The following REEP5 variants were observed in gnomAD, a reference collection of about 807,000 sequenced individuals.
The protein encoded by REEP5 is receptor accessory protein 5, also known as receptor expression-enhancing protein 5.
A neutral mutation model predicts 22.4 loss-of-function variants in REEP5; 24 were observed. That is an observed-to-expected ratio of 1.07 (90% CI 0.78 to 1.51). The LOEUF is 1.51. REEP5 is among the 40% of genes most tolerant of loss of function. REEP5 has a pLI of 0.00. For synonymous variants in REEP5, 103 were observed against 88.6 expected, an observed-to-expected ratio of 1.16 and a Z score of -0.92; for missense variants, 252 against 233.0, an observed-to-expected ratio of 1.08 and a Z score of -0.53.
chr5:112,905,397 C>T (rs1405271252), intron 2 of REEP5, among the ~76,000 whole-genome samples: 7 of 151,838 alleles, frequency 4.6e-5, no homozygotes, highest in East Asian at 1.9e-4. Context: ...AAAAATTAGC[C>T]GGGCGTGGTG....
In REEP5 at chr5:112,920,419, C is replaced by T. The variant is rs185793444; in HGVS notation, c.212+744G>A. On this transcript the variant is annotated intron_variant, in intron 2 of 4. Coordinates refer to ENST00000379638, the MANE Select transcript of REEP5 (RefSeq NM_005669.5). ...TCTTAGGAAGAACTGTAGAGCAAAA[C>T]AAAATTCATTTCTGGAGAGGAATAA... is the stretch of plus-strand genomic sequence containing the variant. Among the ~76,000 whole-genome samples the T allele has an allele frequency of 4.3e-3, 647 of 151,978 alleles. 4 individuals are homozygous for T. Among genetic ancestry groups the T allele is most frequent in the African/African-American group, 0.015 (617 of 41,452 alleles).
chr5:112,891,830 A>C, intron 3 of REEP5: 2 of 1,569,602 alleles, frequency 1.3e-6, no homozygotes, highest in Non-Finnish European at 1.8e-6. Context: ...CAACAACTAG[A>C]AGAAGAGAAG....
intron 4 of REEP5, 123 bp downstream of exon 4, chr5:112,886,892 A>G: frequency 1.5e-6 from 1 of 653,014 alleles, no homozygotes; most frequent in Non-Finnish European, 2.6e-6. Context: ...AAGAAATCCC[A>G]GAGTAATGTT....
Position 112,877,535 on chromosome 5 carries a change from A to T in REEP5, c.*1251T>A, listed in dbSNP as rs1415485273. 6.6e-6 allele frequency: 1 copy of T among 152,198 alleles called. No individual in the cohort carries two copies. Among genetic ancestry groups the T allele is most frequent in the Non-Finnish European group, 1.5e-5 (1 of 68,030 alleles). 9.4% of individuals were successfully genotyped at this position (152,198 alleles called of 1,614,324 possible). ...AGTCATGTGCAGCTTATCAACACAAAGAATACGGATGAGGGCATTTAAATG... is the reference window on the plus strand; with the variant it reads ...AGTCATGTGCAGCTTATCAACACAATGAATACGGATGAGGGCATTTAAATG... On this transcript the variant is annotated 3_prime_UTR_variant, in exon 5 of 5. Transcript: ENST00000379638.
intron 3 of REEP5, among the ~76,000 whole-genome samples, chr5:112,900,875 T>C (rs1283510369): frequency 2.0e-5 from 3 of 152,080 alleles, no homozygotes; most frequent in Non-Finnish European, 4.4e-5. Flanking sequence ...TCTGGCTCTG[T>C]TGCCTAGGCT....
intron 3 of REEP5, chr5:112,892,584 G>T (rs183322512): frequency 1.5e-5 from 25 of 1,614,150 alleles, no homozygotes; most frequent in Non-Finnish European, 2.1e-5. Context: ...GGAAAATGGC[G>T]ATTTGTGGTT....
chr5:112,920,647 G>C (rs1045756558), intron 2 of REEP5, among the ~76,000 whole-genome samples: 2 of 152,056 alleles, frequency 1.3e-5, no homozygotes, highest in African/African-American at 4.8e-5. Context: ...TTTTACACTA[G>C]GGTAAGCATT....
chr5:112,882,852 T>C (rs750033285), intron 4 of REEP5, among the ~76,000 whole-genome samples: 8 of 152,236 alleles, frequency 5.3e-5, no homozygotes, highest in Non-Finnish European at 7.3e-5. Context: ...CCTCTCTCAA[T>C]TGGCCTTCCT....
chr5:112,901,235 A>G (rs1032800405), intron 3 of REEP5, among the ~76,000 whole-genome samples: 4 of 152,212 alleles, frequency 2.6e-5, no homozygotes, highest in Admixed American at 6.6e-5. Context: ...TAAACTGGGG[A>G]GCGGTAACCA....
At position 112,908,101 on chromosome 5, in the gene REEP5, GT is replaced by G. The variant is rs1047059353; in HGVS notation, c.213-5584del. The stretch of plus-strand genomic sequence containing the variant: ...GCATCAGAGACTTTCTTTGTTTTTT[GT>G]TTTTTTTTTTTTTTTTTGATGGAGT... On this transcript the variant is annotated intron_variant, in intron 2 of 4. Coordinates refer to ENST00000379638, the MANE Select transcript of REEP5 (RefSeq NM_005669.5). 3.2e-3 allele frequency among the ~76,000 whole-genome samples: 272 copies of G among 83,902 alleles called. 3 individuals carry two copies. Among genetic ancestry groups the G allele is most frequent in the East Asian group, 0.015 (60 of 3,998 alleles). 55.0% of individuals were successfully genotyped at this position (83,902 alleles called of 152,430 possible).
intron 3 of REEP5, among the ~76,000 whole-genome samples, chr5:112,890,914 G>A (rs1768419629): frequency 6.7e-6 from 1 of 150,372 alleles, no homozygotes; most frequent in African/African-American, 2.5e-5. Context: ...CTATAATTTT[G>A]TAAGAAAATA....
intron 2 of REEP5, among the ~76,000 whole-genome samples, chr5:112,918,747 G>A (rs1407710234): frequency 6.6e-6 from 1 of 152,084 alleles, no homozygotes; most frequent in Non-Finnish European, 1.5e-5. Flanking sequence ...CTACCTGCTG[G>A]CACCTGCACC....
chr5:112,884,552 A>C (rs1768173863), intron 4 of REEP5, among the ~76,000 whole-genome samples: 1 of 151,886 alleles, frequency 6.6e-6, no homozygotes, highest in East Asian at 1.9e-4. Context: ...TAATTTTTAA[A>C]TTTTTGTAGA....
chr5:112,902,531 A>C lies in REEP5; in HGVS notation c.213-13T>G, dbSNP rs1768875259. 1 of 1,566,208 alleles carries C rather than the reference A, an allele frequency of 6.4e-7. No individual in the cohort carries two copies. The highest frequency in any genetic ancestry group is 2.3e-5 in the East Asian group (1 of 43,876). The stretch of plus-strand genomic sequence containing the variant: ...TATAGCTTTAATTCTGAAAGGCAGT[A>C]CAAAAGAAAGTATATCATTTGGTAA... On this transcript the variant is annotated splice_polypyrimidine_tract_variant and intron_variant, in intron 2 of 4. Coordinates refer to ENST00000379638, the MANE Select transcript of REEP5 (RefSeq NM_005669.5).
At chr5:112,884,046 A>G (rs969304240) in intron 4 of REEP5, among the ~76,000 whole-genome samples, 1 of 152,168 alleles carries the variant, frequency 6.6e-6, no homozygotes, top group Admixed American at 6.5e-5. Context: ...TCACTGCAAG[A>G]ACCTTTTAAC....
At chr5:112,903,903 T>C (rs1429881762) in intron 2 of REEP5, among the ~76,000 whole-genome samples, 1 of 152,186 alleles carries the variant, frequency 6.6e-6, no homozygotes, top group Non-Finnish European at 1.5e-5. Context: ...CAATAATAGC[T>C]CACTGCAACC....
intron 3 of REEP5, chr5:112,895,748 A>C (rs2150041910): frequency 6.6e-6 from 1 of 152,330 alleles, no homozygotes; most frequent in Middle Eastern, 3.4e-3. Context: ...CTCTCTTCTT[A>C]ATCTGTGTAA....
Position 112,892,075 on chromosome 5 carries a change from G to A in REEP5, c.352-4892C>T, listed in dbSNP as rs779176035. The A allele has an allele frequency of 6.3e-6, 10 of 1,599,834 alleles. No individual in the cohort carries two copies. The South Asian group carries it at 1.1e-4, about 18-fold the overall frequency. On this transcript the variant is annotated intron_variant, in intron 3 of 4. Coordinates refer to ENST00000379638, the MANE Select transcript of REEP5 (RefSeq NM_005669.5). ...AGAGGAAGCTGTGCAGAAGATGCTG[G>A]ATCAGGCTGAAAATGATTTAGAAAA...
In REEP5 at chr5:112,878,097, G is replaced by GCCATATAC. The variant is rs1767953330; in HGVS notation, c.*681_*688dup. 1 of 151,962 alleles carries GCCATATAC rather than the reference G, an allele frequency of 6.6e-6. No individual in the cohort carries two copies. The highest frequency in any genetic ancestry group is 2.1e-4 in the South Asian group (1 of 4,810). 9.4% of individuals were successfully genotyped at this position (151,962 alleles called of 1,614,324 possible). On this transcript the variant is annotated 3_prime_UTR_variant, in exon 5 of 5. Coordinates refer to ENST00000379638, the MANE Select transcript of REEP5 (RefSeq NM_005669.5). ...TATAAAGCTATCCTGGTATTCATAT[G>GCCATATAC]CCATATACTACGGAAACAACCAGGC...
Sources: allele counts gnomAD v4.1 joint callset (sites outside exome capture counted in the v4.1 genomes callset), GRCh38; gene constraint gnomAD v4.1.1; transcripts MANE v1.5; gene names NCBI Gene and HGNC (gene_info 2026-07-23, HGNC 2026-07-21).